The following PYGL variants were observed in gnomAD, a reference collection of about 807,000 sequenced individuals.
PYGL encodes the protein glycogen phosphorylase L.
A neutral mutation model predicts 100.1 loss-of-function variants in PYGL; 90 were observed. The ratio of observed to expected loss-of-function variants is 0.90; its 90% CI spans 0.76 to 1.07. PYGL has a LOEUF of 1.07. Among genes scored for constraint, PYGL ranks in the 50% least tolerant of loss-of-function variants. PYGL has a pLI of 0.00. For missense variants in PYGL, 1,016 were observed against 1,057.6 expected (o/e 0.96, Z 0.55); for synonymous variants, 373 against 393.0 (o/e 0.95, Z 0.60).
At chr14:50,916,047 C>G (rs1229964112) in intron 9 of PYGL, 76 bp from the exon 10 acceptor site, 21 of 1,585,624 alleles carry the variant, frequency 1.3e-5, no homozygotes, top group Non-Finnish European at 1.7e-5. Flanking sequence ...CTTCTTCAAC[C>G]CTGCCCTGTC....
intron 7 of PYGL, among the ~76,000 whole-genome samples, chr14:50,918,134 C>T (rs994052251): frequency 3.9e-5 from 6 of 152,098 alleles, no homozygotes; most frequent in Admixed American, 2.0e-4. Context: ...CAATGAGATA[C>T]CACCTTACTC....
At chr14:50,918,592 G>A (rs1012173036) in intron 7 of PYGL, among the ~76,000 whole-genome samples, 18 of 152,296 alleles carry the variant, frequency 1.2e-4, no homozygotes, top group Admixed American at 7.8e-4. Context: ...ACCGAATATC[G>A]TGTGTTCTCA....
chr14:50,918,087 A>G (rs1456970810), intron 7 of PYGL, among the ~76,000 whole-genome samples: 3 of 152,188 alleles, frequency 2.0e-5, no homozygotes, highest in African/African-American at 7.2e-5. Context: ...AAAATGCTCA[A>G]TATCACTAAT....
chr14:50,911,225 G>T (rs1468364577), intron 16 of PYGL, among the ~76,000 whole-genome samples: 2 of 152,244 alleles, frequency 1.3e-5, no homozygotes, highest in Non-Finnish European at 2.9e-5. Context: ...CCATGTGGGA[G>T]CATCATGCTT....
chr14:50,935,313 C>G (rs2050645179), intron 2 of PYGL, 128 bp from the exon 3 acceptor site: 1 of 773,228 alleles, frequency 1.3e-6, no homozygotes, highest in Non-Finnish European at 2.2e-6. Flanking sequence ...GCGTCAGCTC[C>G]CTTGCAGCTT....
intron 18 of PYGL, 74 bp downstream of exon 18, chr14:50,908,747 A>T: frequency 6.6e-7 from 1 of 1,512,538 alleles, no homozygotes; most frequent in East Asian, 2.3e-5. Flanking sequence ...TGTTGGTTTT[A>T]GAGTTGGTTG....
intron 1 of PYGL, among the ~76,000 whole-genome samples, chr14:50,941,272 T>C (rs1017084287): frequency 2.6e-5 from 4 of 152,078 alleles, no homozygotes; most frequent in African/African-American, 9.7e-5. Context: ...GGCTAAGAAA[T>C]GGAGTGTGCA....
In PYGL at chr14:50,912,281, TG is replaced by T; in HGVS notation, c.1642del (p.Gln548SerfsTer9). The T allele has an allele frequency of 6.2e-7, 1 of 1,614,146 alleles. No individual in the cohort carries two copies. The highest frequency in any genetic ancestry group is 8.5e-7 in the Non-Finnish European group (1 of 1,179,960). On this transcript the variant is annotated frameshift_variant, in exon 14 of 20. Transcript: ENST00000216392. LOFTEE classifies it high-confidence loss of function. ...VKQENKLKFS[Q>X]FLETEYKVKI... ...CACTTTGTACTCCGTCTCCAGGAACTGAGAAAACTTCAGCTTATTCTCCTGT... is the reference window on the plus strand; with the variant it reads ...CACTTTGTACTCCGTCTCCAGGAACTAGAAAACTTCAGCTTATTCTCCTGT...
rs765731108 is a variant in PYGL, at chr14:50,915,904, C to T, written c.1160G>A (p.Arg387His). ...NHTVLPEALE[R>H]WPVDLVEKLL... is the part of the protein sequence containing the mutation. ...CTTCTCCACCAGGTCCACGGGCCAG[C>T]GCTCCAGGGCTTCCGGGAGCACTGT... Residue 387 changes from arginine (R) to histidine (H), a missense_variant, in exon 10 of 20, where the codon CGC becomes CAC. Coordinates refer to ENST00000216392, the MANE Select transcript of PYGL (RefSeq NM_002863.5). 18 of 1,614,056 alleles carry T rather than the reference C, an allele frequency of 1.1e-5. No individual in the cohort carries two copies. Among genetic ancestry groups the T allele is most frequent in the South Asian group, 7.7e-5 (7 of 91,092 alleles).
At chr14:50,911,425 C>T (rs1359973735) in intron 16 of PYGL, among the ~76,000 whole-genome samples, 1 of 152,244 alleles carries the variant, frequency 6.6e-6, no homozygotes, top group African/African-American at 2.4e-5. Context: ...GACCTTTCCT[C>T]TGTTTTATAG....
chr14:50,939,234 G>A (rs1220721940), intron 1 of PYGL, among the ~76,000 whole-genome samples: 1 of 152,106 alleles, frequency 6.6e-6, no homozygotes, highest in East Asian at 1.9e-4. Flanking sequence ...ACAAGGTTTT[G>A]CCATGTTGGC....
intron 5 of PYGL, chr14:50,923,219 G>A (rs1260450508): frequency 2.0e-5 from 3 of 152,182 alleles, no homozygotes; most frequent in African/African-American, 7.2e-5. Context: ...CTCAGCAGTG[G>A]GACCCACAGT....
At position 50,923,838 on chromosome 14, in the gene PYGL, A is replaced by C. The variant is rs1240591265; in HGVS notation, c.660+131T>G. On this transcript the variant is annotated intron_variant, in intron 5 of 19. Coordinates refer to ENST00000216392, the MANE Select transcript of PYGL (RefSeq NM_002863.5). ...AAGAGAAGTAACAGATTTATTTACA[A>C]AAATATATTCTATTATTCAAAACAC... The C allele has an allele frequency of 2.5e-6, 3 of 1,194,720 alleles. No individual in the cohort carries two copies. In the Admixed American group the frequency reaches 6.4e-5, roughly 26 times the overall value. The allele number at this position is 1,194,720 out of a possible 1,614,324, so 74.0% of individuals were successfully genotyped here.
At chr14:50,908,062 T>G in intron 19 of PYGL, 1 of 432,068 alleles carries the variant, frequency 2.3e-6, no homozygotes, top group Non-Finnish European at 4.1e-6. Flanking sequence ...TGCTGAAATG[T>G]CAAATCTCAA....
chr14:50,909,063 AC>A, intron 17 of PYGL, 108 bp from the exon 18 acceptor site: 1 of 1,253,468 alleles, frequency 8.0e-7, no homozygotes, highest in Non-Finnish European at 1.1e-6. Flanking sequence ...ATTCAGAAAT[AC>A]TAGCATTCAA....
At chr14:50,943,783 C>T (rs1156739816) in intron 1 of PYGL, among the ~76,000 whole-genome samples, 2 of 152,190 alleles carry the variant, frequency 1.3e-5, no homozygotes, top group Non-Finnish European at 2.9e-5. Context: ...GAATAGTGTC[C>T]GGCATACAGG....
At chr14:50,919,459 T>G (rs1433575248) in intron 7 of PYGL, among the ~76,000 whole-genome samples, 1 of 152,190 alleles carries the variant, frequency 6.6e-6, no homozygotes, top group Non-Finnish European at 1.5e-5. Flanking sequence ...CATCTGGTAT[T>G]AAGGACTATT....
Position 50,937,544 on chromosome 14 carries a change from C to G in PYGL, c.345+192G>C, listed in dbSNP as rs527408243. Among the ~76,000 whole-genome samples the G allele has an allele frequency of 1.5e-3, 236 of 152,336 alleles. 2 individuals carry two copies. Among genetic ancestry groups the G allele is most frequent in the African/African-American group, 5.3e-3 (220 of 41,578 alleles). On this transcript the variant is annotated intron_variant, in intron 2 of 19. Coordinates refer to ENST00000216392, the MANE Select transcript of PYGL (RefSeq NM_002863.5). ...TCATGAGTCATAACGAGTTATCTAACTTTTTCTGGTTGTTCCTCTTAAATG... is the reference window on the plus strand; with the variant it reads ...TCATGAGTCATAACGAGTTATCTAAGTTTTTCTGGTTGTTCCTCTTAAATG...
rs1397956602 is a variant in PYGL at position 50,944,437 on chromosome 14, A to G, written c.-34T>C. 5.7e-6 allele frequency: 9 copies of G among 1,575,874 alleles called. No homozygotes were observed. Among genetic ancestry groups the G allele is most frequent in the Admixed American group, 1.8e-5 (1 of 55,894 alleles). ...CGGCGGGCTGCGCGGCGGGCTGCGC[A>G]GAGAGCTGGAAGTGCGGCCGGAGGC... On this transcript the variant is annotated 5_prime_UTR_variant, in exon 1 of 20. Transcript: ENST00000216392.
Sources: gnomAD v4.1 joint callset for allele counts (sites outside exome capture counted in the v4.1 genomes callset) on GRCh38, gnomAD v4.1.1 for gene constraint, MANE v1.5 for transcripts, NCBI Gene and HGNC (gene_info 2026-07-23, HGNC 2026-07-21) for gene names.